The following PRSS3 variants were observed in gnomAD, a reference collection of about 807,000 sequenced individuals.
PRSS3 encodes trypsin-3.
PRSS3 carries 14 observed loss-of-function variants against 20.8 expected under a neutral mutation model. The observed-to-expected ratio is 0.67, with a 90% CI of 0.44 to 1.05. The LOEUF is 1.05. PRSS3 is among the 50% of genes least tolerant of loss of function. The pLI, the probability that PRSS3 is intolerant of heterozygous loss-of-function variation, is 0.00. For missense variants in PRSS3, 237 were observed against 306.4 expected (o/e 0.77, Z 1.69); for synonymous variants, 91 against 117.6 (o/e 0.77, Z 1.46).
At chr9:33,793,661 G>C (rs945825359), upstream of PRSS3, 1 of 974,662 alleles carries the variant, frequency 1.0e-6, no homozygotes, top group Non-Finnish European at 1.2e-6. Flanking sequence ...TCTCCTTTTA[G>C]ATGTCACCTG....
intron 2 of PRSS3, among the ~76,000 whole-genome samples, chr9:33,797,335 G>T (rs12378415): frequency 0.06 from 9,141 of 152,186 alleles, 273 homozygotes; most frequent in Non-Finnish European, 0.089. Flanking sequence ...GCGGGTGGGG[G>T]TAAGGACCAA....
intron 1 of PRSS3, among the ~76,000 whole-genome samples, chr9:33,759,365 A>G (rs10758226): frequency 0.53 from 81,156 of 151,940 alleles, 22,960 homozygotes; most frequent in East Asian, 0.79. Context: ...TAGAGGCCTC[A>G]CAGTGTTTAG....
At chr9:33,770,099 CG>C (rs1324834871) in intron 1 of PRSS3, among the ~76,000 whole-genome samples, 28 of 151,392 alleles carry the variant, frequency 1.8e-4, no homozygotes, top group African/African-American at 5.8e-4. Flanking sequence ...GAGCCAAGAT[CG>C]TGCCACTGCA....
At chr9:33,796,379 T>C (rs1824939004) in intron 1 of PRSS3, among the ~76,000 whole-genome samples, 1 of 152,116 alleles carries the variant, frequency 6.6e-6, no homozygotes. Context: ...ACTGGAAGCA[T>C]TTTGAGGACA....
At chr9:33,772,654 T>TA (rs1290453648) in intron 1 of PRSS3, among the ~76,000 whole-genome samples, 3 of 152,204 alleles carry the variant, frequency 2.0e-5, no homozygotes, top group Non-Finnish European at 4.4e-5. Context: ...ACAGCTGGGA[T>TA]ACCTCCAATT....
intron 4 of PRSS3, 150 bp downstream of exon 4, chr9:33,798,772 C>A: frequency 2.3e-6 from 3 of 1,287,772 alleles, no homozygotes; most frequent in Non-Finnish European, 3.3e-6. Flanking sequence ...TGAGGCGGCT[C>A]CCTGCATTGC....
Position 33,774,618 on chromosome 9 carries a change from G to A in PRSS3, c.-52-20128G>A, listed in dbSNP as rs760575144. 5.3e-5 allele frequency among the ~76,000 whole-genome samples: 8 copies of A among 152,230 alleles called. No homozygotes were observed. In the East Asian group the frequency reaches 5.8e-4, roughly 11 times the overall value. On this transcript the variant is annotated intron_variant, in intron 1 of 5. Coordinates refer to the PRSS3 transcript ENST00000342836. ...TTTGCCTAGGAAAATGAAGTATAAC[G>A]AGCTTGATATTGAAAGGGACCTGTG...
At chr9:33,756,603 TG>T (rs1256621117) in intron 1 of PRSS3, among the ~76,000 whole-genome samples, 5 of 152,194 alleles carry the variant, frequency 3.3e-5, no homozygotes, top group African/African-American at 1.2e-4. Context: ...AAAAATCCCA[TG>T]TTTTTTAGTT....
At chr9:33,758,260 C>T (rs1375208041) in intron 1 of PRSS3, among the ~76,000 whole-genome samples, 2 of 152,334 alleles carry the variant, frequency 1.3e-5, no homozygotes, top group Non-Finnish European at 2.9e-5. Flanking sequence ...AGAATACCTA[C>T]CTGTCAATCA....
intron 1 of PRSS3, among the ~76,000 whole-genome samples, chr9:33,795,876 C>G (rs191241458): frequency 2.0e-5 from 3 of 152,360 alleles, no homozygotes; most frequent in Admixed American, 2.0e-4. Flanking sequence ...TGGGGCTGGC[C>G]CATGAAATGA....
At chr9:33,764,491 C>T (rs1823337989) in intron 1 of PRSS3, among the ~76,000 whole-genome samples, 1 of 152,170 alleles carries the variant, frequency 6.6e-6, no homozygotes, top group Non-Finnish European at 1.5e-5. Flanking sequence ...CGAGATTGCA[C>T]CATTGCACTC....
rs146890375 is a variant in PRSS3 at position 33,766,158 on chromosome 9, G to A, written c.-53+15431G>A. On this transcript the variant is annotated intron_variant, in intron 1 of 5. Transcript: ENST00000342836. ...CGAGCGTTTGTAATCCCAACTACTC[G>A]GGAGGCTGAGGCAGGAGAATCGCTT... 5.8e-3 allele frequency among the ~76,000 whole-genome samples: 884 copies of A among 151,402 alleles called. 7 individuals carry two copies. Among genetic ancestry groups the A allele is most frequent in the African/African-American group, 0.02 (834 of 41,194 alleles).
intron 1 of PRSS3, among the ~76,000 whole-genome samples, chr9:33,772,969 T>C (rs1253948609): frequency 6.6e-6 from 1 of 152,202 alleles, no homozygotes; most frequent in East Asian, 1.9e-4. Context: ...ATTTCCTGCT[T>C]TCCCCCCTCT....
intron 1 of PRSS3, among the ~76,000 whole-genome samples, chr9:33,772,021 G>A (rs1329848463): frequency 1.3e-5 from 2 of 151,624 alleles, no homozygotes; most frequent in Non-Finnish European, 2.9e-5. Flanking sequence ...ACAGGTGCCC[G>A]CCACCATGCC....
intron 1 of PRSS3, among the ~76,000 whole-genome samples, chr9:33,760,892 A>G (rs1823169614): frequency 1.1e-5 from 1 of 93,320 alleles, no homozygotes; most frequent in African/African-American, 3.6e-5. Context: ...AGAAAATAGA[A>G]TTTAGTCCAA....
In PRSS3 at chr9:33,786,503, C is replaced by G. The variant is rs1334251221; in HGVS notation, c.-52-8243C>G. On this transcript the variant is annotated intron_variant, in intron 1 of 5. Transcript: ENST00000342836. The stretch of plus-strand genomic sequence containing the variant: ...CCGTCTGACCCCAAGCTTGTCGGCC[C>G]TCATGAATATCTCTCTGGAACTAGG... The G allele has an allele frequency of 4.0e-6, 3 of 752,046 alleles. No individual in the cohort carries two copies. The South Asian group carries it at 4.2e-5, about 11-fold the overall frequency. The allele number at this position is 752,046 out of a possible 1,614,324, so 46.6% of individuals were successfully genotyped here. A position where few individuals can be genotyped will look rare whatever the true frequency, so the allele number is the denominator to read the frequency against.
intron 1 of PRSS3, among the ~76,000 whole-genome samples, chr9:33,768,047 C>T (rs1327510929): frequency 6.6e-6 from 1 of 152,184 alleles, no homozygotes; most frequent in East Asian, 1.9e-4. Flanking sequence ...CCCTGGCAAC[C>T]AGTACAGATT....
intron 2 of PRSS3, 60 bp downstream of exon 2, chr9:33,796,862 T>G: frequency 1.2e-6 from 2 of 1,613,502 alleles, no homozygotes; most frequent in Non-Finnish European, 1.7e-6. Context: ...GAGCTTGGCT[T>G]CAGCCCAGGG....
intron 1 of PRSS3, among the ~76,000 whole-genome samples, chr9:33,776,504 T>C (rs2118950095): frequency 6.6e-6 from 1 of 152,128 alleles, no homozygotes; most frequent in South Asian, 2.1e-4. Context: ...GCTATAGCAA[T>C]CAAAACAGAG....
Sources: allele counts gnomAD v4.1 joint callset (sites outside exome capture counted in the v4.1 genomes callset), GRCh38; gene constraint gnomAD v4.1.1; transcripts MANE v1.5; gene names NCBI Gene and HGNC (gene_info 2026-07-23, HGNC 2026-07-21).